L3MBTL4: variants seen among roughly 807,000 people sequenced by gnomAD.
L3MBTL4 encodes the protein L3MBTL histone methyl-lysine binding protein 4.
In L3MBTL4, 70 loss-of-function variants were observed where a neutral mutation model predicts 84.5. The ratio of observed to expected loss-of-function variants is 0.83; its 90% CI spans 0.68 to 1.01. The LOEUF (loss-of-function observed/expected upper bound fraction) is 1.01, where lower values mean the gene tolerates loss of function less well. Ranked by LOEUF, L3MBTL4 falls within the 50% of genes least tolerant of loss-of-function variation. The pLI is 0.00. For missense variants in L3MBTL4, 715 were observed against 754.8 expected, an observed-to-expected ratio of 0.95 and a Z score of 0.62; for synonymous variants, 274 against 259.8, an observed-to-expected ratio of 1.05 and a Z score of -0.52.
intron 12 of L3MBTL4, among the ~76,000 whole-genome samples, chr18:6,202,466 G>A (rs2045688587): frequency 1.3e-5 from 2 of 152,102 alleles, no homozygotes; most frequent in African/African-American, 2.4e-5. Context: ...TGGCATCTTT[G>A]GGTAGCGAAG....
intron 16 of L3MBTL4, among the ~76,000 whole-genome samples, chr18:6,010,071 C>T (rs143797193): frequency 4.6e-5 from 7 of 151,918 alleles, no homozygotes; most frequent in African/African-American, 1.5e-4. Flanking sequence ...GTATCCTTGT[C>T]GTGTTTTCCA....
intron 1 of L3MBTL4, among the ~76,000 whole-genome samples, chr18:6,322,057 T>C (rs2051432130): frequency 6.6e-6 from 1 of 151,186 alleles, no homozygotes; most frequent in Non-Finnish European, 1.5e-5. Context: ...TATTTTTTTA[T>C]AAAAGGAAAG....
intron 14 of L3MBTL4, among the ~76,000 whole-genome samples, chr18:6,096,449 A>C (rs1358941780): frequency 6.6e-6 from 1 of 152,156 alleles, no homozygotes; most frequent in Non-Finnish European, 1.5e-5. Flanking sequence ...TGAACCTTAG[A>C]ATCTGGGTTC....
At position 6,284,300 on chromosome 18, in the gene L3MBTL4, C is replaced by T. The variant is rs73941307; in HGVS notation, c.127+17603G>A. Among the ~76,000 whole-genome samples, 587 of 152,316 alleles carry T rather than the reference C, an allele frequency of 3.9e-3. 7 individuals carry two copies. The highest frequency in any genetic ancestry group is 0.013 in the African/African-American group (549 of 41,570). The stretch of plus-strand genomic sequence containing the variant: ...ATTTAGCAAAACAGCAAAGCCACAT[C>T]ACCAATTCCTATCTCCTTCCTGCTG... On this transcript the variant is annotated intron_variant, in intron 4 of 18. Coordinates refer to ENST00000317931, the MANE Select transcript of L3MBTL4 (RefSeq NM_001330559.2).
chr18:6,217,389 T>C (rs964484470), intron 10 of L3MBTL4, among the ~76,000 whole-genome samples: 2 of 152,214 alleles, frequency 1.3e-5, no homozygotes, highest in African/African-American at 4.8e-5. Context: ...CAGCATGTGC[T>C]CCTTTGTGGT....
At chr18:6,162,558 C>T (rs1299190790) in intron 13 of L3MBTL4, among the ~76,000 whole-genome samples, 1 of 152,122 alleles carries the variant, frequency 6.6e-6, no homozygotes, top group Non-Finnish European at 1.5e-5. Flanking sequence ...AGATACTGGA[C>T]ATTATAGTGA....
chr18:6,384,210 CTCATCAAAAT>C (rs2054718744), intron 1 of L3MBTL4, among the ~76,000 whole-genome samples: 1 of 152,126 alleles, frequency 6.6e-6, no homozygotes, highest in Non-Finnish European at 1.5e-5. Context: ...TCCCCACGAC[CTCATCAAAAT>C]TCTCTTCTTG....
intron 12 of L3MBTL4, among the ~76,000 whole-genome samples, chr18:6,184,295 T>G (rs892528065): frequency 2.6e-5 from 4 of 152,220 alleles, no homozygotes; most frequent in Non-Finnish European, 5.9e-5. Flanking sequence ...TCGACTATTA[T>G]TTGAGGACAG....
rs200360798 is a variant in L3MBTL4, at chr18:6,071,683, GAGAAAGAAAGAA to G, written c.1444+9186_1444+9197del. The stretch of plus-strand genomic sequence containing the variant: ...AAAGAAAGAAGGAAAAAAAGAAAGA[GAGAAAGAAAGAA>G]AGAAAGAAAGAAAGAAAGAAGGAAA... On this transcript the variant is annotated intron_variant, in intron 16 of 18. Transcript: ENST00000317931. 1.8e-3 allele frequency among the ~76,000 whole-genome samples: 188 copies of G among 102,236 alleles called. 7 individuals carry two copies. Among genetic ancestry groups the G allele is most frequent in the Non-Finnish European group, 1.1e-3 (61 of 57,652 alleles). 67.1% of individuals were successfully genotyped at this position (102,236 alleles called of 152,430 possible).
chr18:6,232,249 G>A lies in L3MBTL4; in HGVS notation c.784+5715C>T, dbSNP rs1021488816. On this transcript the variant is annotated intron_variant, in intron 10 of 18. Coordinates refer to ENST00000317931, the MANE Select transcript of L3MBTL4 (RefSeq NM_001330559.2). ...GTAATAAATCCCACTTGGTTATGGT[G>A]TATGTAATCTTTTTCATATACTGTT... is the stretch of plus-strand genomic sequence containing the variant. 2.6e-5 allele frequency among the ~76,000 whole-genome samples: 4 copies of A among 152,104 alleles called. No homozygotes were observed. The South Asian group carries it at 6.2e-4, about 24-fold the overall frequency.
chr18:5,982,104 G>A (rs1435249631), intron 16 of L3MBTL4, among the ~76,000 whole-genome samples: 1 of 151,794 alleles, frequency 6.6e-6, no homozygotes, highest in Non-Finnish European at 1.5e-5. Context: ...AAATTATGAA[G>A]CAAAGGGATA....
intron 12 of L3MBTL4, among the ~76,000 whole-genome samples, chr18:6,184,196 C>T (rs1435551532): frequency 6.6e-6 from 1 of 152,160 alleles, no homozygotes; most frequent in Admixed American, 6.5e-5. Context: ...CAACATTAAT[C>T]TTATTAGTAA....
chr18:6,290,467 A>G (rs1225133538), intron 4 of L3MBTL4, among the ~76,000 whole-genome samples: 1 of 152,128 alleles, frequency 6.6e-6, no homozygotes. Flanking sequence ...CTTTTTGATT[A>G]TCACTATGGC....
intron 4 of L3MBTL4, among the ~76,000 whole-genome samples, chr18:6,275,554 G>C (rs1333416586): frequency 6.6e-6 from 1 of 152,178 alleles, no homozygotes; most frequent in Non-Finnish European, 1.5e-5. Context: ...TGCTGATGCA[G>C]GCAGGCCTGC....
chr18:6,257,645 CTTTTTT>C (rs770563046), intron 5 of L3MBTL4, among the ~76,000 whole-genome samples: 5 of 127,506 alleles, frequency 3.9e-5, no homozygotes, highest in African/African-American at 1.5e-4. Flanking sequence ...TTTTCTTTTT[CTTTTTT>C]TTTTTTTTTT....
intron 12 of L3MBTL4, among the ~76,000 whole-genome samples, chr18:6,197,775 T>C (rs1249244121): frequency 6.6e-6 from 1 of 152,206 alleles, no homozygotes. Context: ...TGACCCAGAC[T>C]TCCACTTAGC....
At chr18:6,327,070 A>G (rs1313696256) in intron 1 of L3MBTL4, among the ~76,000 whole-genome samples, 1 of 152,234 alleles carries the variant, frequency 6.6e-6, no homozygotes, top group Non-Finnish European at 1.5e-5. Flanking sequence ...CGTATTAAAT[A>G]TAAGTATCCT....
chr18:6,163,353 A>C (rs2043461888), intron 13 of L3MBTL4, among the ~76,000 whole-genome samples: 1 of 150,548 alleles, frequency 6.6e-6, no homozygotes, highest in Non-Finnish European at 1.5e-5. Flanking sequence ...GGGATGACAT[A>C]TATTGAACCA....
At chr18:6,392,580 T>A (rs1410448470) in intron 1 of L3MBTL4, among the ~76,000 whole-genome samples, 4 of 152,092 alleles carry the variant, frequency 2.6e-5, no homozygotes, top group African/African-American at 9.7e-5. Context: ...CTGGGAAAAC[T>A]GAATAGCCAC....
Sources: gnomAD v4.1 joint callset for allele counts (sites outside exome capture counted in the v4.1 genomes callset) on GRCh38, gnomAD v4.1.1 for gene constraint, MANE v1.5 for transcripts, NCBI Gene and HGNC (gene_info 2026-07-23, HGNC 2026-07-21) for gene names.